DMXL2: variants seen among roughly 807,000 people sequenced by gnomAD.
DMXL2 encodes the protein dmX-like protein 2.
Under a neutral mutation model 331.1 loss-of-function variants are expected in DMXL2, and 103 were observed. The ratio of observed to expected loss-of-function variants is 0.31; its 90% CI spans 0.27 to 0.37. The LOEUF (loss-of-function observed/expected upper bound fraction) is 0.37, where lower values mean the gene tolerates loss of function less well. DMXL2 is among the 10% of genes least tolerant of loss of function. The pLI is 1.00. For missense variants in DMXL2, 3,171 were observed against 3,642.9 expected (o/e 0.87, Z 3.33); for synonymous variants, 1,281 against 1,252.1 (o/e 1.02, Z -0.49).
In DMXL2 at chr15:51,448,978, C is replaced by T; in HGVS notation, c.*6G>A. On this transcript the variant is annotated 3_prime_UTR_variant, in exon 44 of 44. Coordinates refer to ENST00000560891, the MANE Select transcript of DMXL2 (RefSeq NM_001378457.1). ...TGAAATGTATATAAAAATAAAACCC[C>T]AATCTTTATAGAATGTCAAGAATTC... 1 of 1,613,668 alleles carries T rather than the reference C, an allele frequency of 6.2e-7. No individual in the cohort carries two copies. The highest frequency in any genetic ancestry group is 1.1e-5 in the South Asian group (1 of 91,046).
At chr15:51,449,746 A>G (rs1429190447) in intron 43 of DMXL2, among the ~76,000 whole-genome samples, 1 of 152,182 alleles carries the variant, frequency 6.6e-6, no homozygotes, top group East Asian at 1.9e-4. Flanking sequence ...AAAGTCAAGG[A>G]GCATCTGCAC....
intron 2 of DMXL2, 55 bp from the exon 3 acceptor site, chr15:51,568,613 C>T: frequency 8.8e-7 from 1 of 1,138,568 alleles, no homozygotes; most frequent in East Asian, 2.6e-5. Flanking sequence ...ATAAAGATAT[C>T]TTCCTTTTCA....
intron 6 of DMXL2, among the ~76,000 whole-genome samples, chr15:51,551,631 G>A (rs573132134): frequency 9.4e-4 from 140 of 148,774 alleles, no homozygotes; most frequent in African/African-American, 3.6e-3. Context: ...AGTCCTCAAC[G>A]TACTAATAGA....
intron 13 of DMXL2, among the ~76,000 whole-genome samples, chr15:51,524,632 C>T (rs1208760596): frequency 6.6e-6 from 1 of 152,126 alleles, no homozygotes; most frequent in Non-Finnish European, 1.5e-5. Context: ...GCACTGAAGT[C>T]AGTGCTGCCT....
At chr15:51,455,925 G>A (rs2039579761) in intron 39 of DMXL2, 141 bp downstream of exon 39, 7 of 923,888 alleles carry the variant, frequency 7.6e-6, no homozygotes, top group East Asian at 2.4e-5. Context: ...AAAAGAGAGT[G>A]TATGAATAGA....
At chr15:51,564,436 T>C (rs906624868) in intron 4 of DMXL2, among the ~76,000 whole-genome samples, 176 bp from the exon 5 acceptor site, 4 of 151,986 alleles carry the variant, frequency 2.6e-5, no homozygotes, top group African/African-American at 9.7e-5. Context: ...AAAAGAATCT[T>C]CTGGACAACA....
At chr15:51,514,697 G>C in intron 14 of DMXL2, 138 bp from the exon 15 acceptor site, 1 of 591,920 alleles carries the variant, frequency 1.7e-6, no homozygotes. Context: ...TAATTAGAAA[G>C]AAAAAAGCAA....
At chr15:51,457,901 AAAT>A (rs1278917581) in intron 36 of DMXL2, 1 of 157,206 alleles carries the variant, frequency 6.4e-6, no homozygotes, top group East Asian at 1.9e-4. Context: ...ATGTGATATT[AAAT>A]CCTAGTTATA....
chr15:51,559,262 A>T (rs75798985), intron 6 of DMXL2, among the ~76,000 whole-genome samples: 1 of 152,256 alleles, frequency 6.6e-6, no homozygotes, highest in African/African-American at 2.4e-5. Flanking sequence ...GCTCATACCC[A>T]TAATAAAGAA....
intron 1 of DMXL2, among the ~76,000 whole-genome samples, chr15:51,586,960 A>G (rs1021606425): frequency 6.8e-6 from 1 of 145,994 alleles, no homozygotes; most frequent in Non-Finnish European, 1.5e-5. Context: ...AAACCATTCA[A>G]AGTATTCATT....
chr15:51,515,821 A>C (rs1438096815), intron 14 of DMXL2, among the ~76,000 whole-genome samples: 1 of 152,192 alleles, frequency 6.6e-6, no homozygotes, highest in East Asian at 1.9e-4. Flanking sequence ...GGATGAATTT[A>C]ACATCCAATC....
At chr15:51,607,201 A>G (rs2053648013) in intron 1 of DMXL2, among the ~76,000 whole-genome samples, 1 of 152,076 alleles carries the variant, frequency 6.6e-6, no homozygotes, top group African/African-American at 2.4e-5. Flanking sequence ...TCACGTCTGT[A>G]ATCCCAGCAC....
intron 1 of DMXL2, among the ~76,000 whole-genome samples, chr15:51,591,531 C>G (rs1189367104): frequency 6.6e-6 from 1 of 152,214 alleles, no homozygotes; most frequent in Non-Finnish European, 1.5e-5. Context: ...CAAAAGGCAG[C>G]AGAACCCTCT....
intron 1 of DMXL2, among the ~76,000 whole-genome samples, chr15:51,608,540 A>T (rs2053748386): frequency 6.6e-6 from 1 of 152,204 alleles, no homozygotes; most frequent in Non-Finnish European, 1.5e-5. Context: ...AGTGGAAGCT[A>T]AACACTGAGT....
chr15:51,480,147 T>C lies in DMXL2; in HGVS notation c.6565-8A>G. On this transcript the variant is annotated splice_polypyrimidine_tract_variant and splice_region_variant and intron_variant, in intron 24 of 43. Coordinates refer to ENST00000560891, the MANE Select transcript of DMXL2 (RefSeq NM_001378457.1). ...CTGCTTTACTGTAGTTTCCTGTGGG[T>C]GATAGTGAATTATTTTTTTCAAAGT... is the stretch of plus-strand genomic sequence containing the variant. 1.3e-6 allele frequency: 2 copies of C among 1,503,394 alleles called. No homozygotes were observed. Among genetic ancestry groups the C allele is most frequent in the Non-Finnish European group, 1.8e-6 (2 of 1,118,350 alleles). The allele number at this position is 1,503,394 out of a possible 1,614,324, so 93.1% of individuals were successfully genotyped here. A position where few individuals can be genotyped will look rare whatever the true frequency, so the allele number is the denominator to read the frequency against.
At chr15:51,485,611 G>A (rs191669758) in intron 23 of DMXL2, among the ~76,000 whole-genome samples, 21 of 152,174 alleles carry the variant, frequency 1.4e-4, no homozygotes, top group Non-Finnish European at 1.8e-4. Flanking sequence ...ATATTAAAAC[G>A]TATTTAACTA....
chr15:51,454,827 G>GGCCA (rs1442739340), intron 40 of DMXL2, among the ~76,000 whole-genome samples: 18 of 152,044 alleles, frequency 1.2e-4, no homozygotes, highest in African/African-American at 4.4e-4. Context: ...ATTTTATCAT[G>GGCCA]TGTATATTAA....
At chr15:51,481,739 C>G in intron 23 of DMXL2, 116 bp from the exon 24 acceptor site, 1 of 932,122 alleles carries the variant, frequency 1.1e-6, no homozygotes, top group East Asian at 2.6e-5. Flanking sequence ...TATTAACCTA[C>G]GATAGGTTAC....
intron 34 of DMXL2, chr15:51,459,283 A>C (rs1192048311): frequency 9.4e-6 from 2 of 212,962 alleles, no homozygotes; most frequent in East Asian, 2.1e-4. Flanking sequence ...GATGAGAGGA[A>C]GATGCAATGG....
Sources: gnomAD v4.1 joint callset for allele counts (sites outside exome capture counted in the v4.1 genomes callset) on GRCh38, gnomAD v4.1.1 for gene constraint, MANE v1.5 for transcripts, NCBI Gene and HGNC (gene_info 2026-07-23, HGNC 2026-07-21) for gene names.